SIDT2: variants seen among roughly 807,000 people sequenced by gnomAD.
The protein encoded by SIDT2 is SID1 transmembrane family, member 2.
SIDT2 carries 68 observed loss-of-function variants against 114.4 expected under a neutral mutation model. That is an observed-to-expected ratio of 0.59 (90% CI 0.49 to 0.73). SIDT2 has a LOEUF of 0.73. SIDT2 is among the 30% of genes least tolerant of loss of function. SIDT2 has a pLI of 0.00. For missense variants in SIDT2, 918 were observed against 1,097.1 expected, an observed-to-expected ratio of 0.84 and a Z score of 2.31; for synonymous variants, 470 against 438.4, an observed-to-expected ratio of 1.07 and a Z score of -0.90.
rs757724213 is a variant in SIDT2 at position 117,190,030 on chromosome 11, G to C, written c.1493+5G>C. 3.1e-6 allele frequency: 5 copies of C among 1,614,122 alleles called. No individual in the cohort carries two copies. The highest frequency in any genetic ancestry group is 3.4e-6 in the Non-Finnish European group (4 of 1,180,018). On this transcript the variant is annotated splice_donor_5th_base_variant and intron_variant, in intron 16 of 25. Transcript: ENST00000324225. This position sits in a 1 kb window ranked among gnomAD's most constrained non-coding sequence, Gnocchi z 4.1. ...CCACCCACTGGGCAATCTCAGGTGGGGGTCATGCTGGGAGGCCCCTTGTCC... is the reference window on the plus strand; with the variant it reads ...CCACCCACTGGGCAATCTCAGGTGGCGGTCATGCTGGGAGGCCCCTTGTCC...
chr11:117,195,826 C>G lies in SIDT2; in HGVS notation c.2347C>G (p.His783Asp). 1 of 1,614,208 alleles carries G rather than the reference C, an allele frequency of 6.2e-7. No homozygotes were observed. The highest frequency in any genetic ancestry group is 8.5e-7 in the Non-Finnish European group (1 of 1,180,038). The stretch of plus-strand genomic sequence containing the variant: ...GAAAACCCCTGCAGAGTCGAGGGAG[C>G]ACAACCGGGACTGCATCCTCCTCGA... ...WQKTPAESRE[H>D]NRDCILLDFF... The change falls in exon 25 of 26, where the codon CAC becomes GAC. Residue 783 changes from histidine (H) to aspartate (D), a missense_variant. Coordinates refer to ENST00000324225, the MANE Select transcript of SIDT2 (RefSeq NM_001040455.2).
In SIDT2 at chr11:117,187,311, G is replaced by T. The variant is rs556519701; in HGVS notation, c.1016-67G>T. 8 of 1,478,336 alleles carry T rather than the reference G, an allele frequency of 5.4e-6. No homozygotes were observed. In the East Asian group the frequency reaches 1.4e-4, roughly 25 times the overall value. 91.6% of individuals were successfully genotyped at this position (1,478,336 alleles called of 1,614,324 possible). ...GGCTGTCTTCTCTGGACCTTTCTTT[G>T]TTCTTCTCCCTGGCTCTAGGCCTCT... On this transcript the variant is annotated intron_variant, in intron 10 of 25. Transcript: ENST00000324225.
Position 117,190,420 on chromosome 11 carries a change from C to G in SIDT2, c.1617+131C>G. The G allele has an allele frequency of 7.0e-7, 1 of 1,421,940 alleles. No homozygotes were observed. The highest frequency in any genetic ancestry group is 9.3e-7 in the Non-Finnish European group (1 of 1,073,842). 88.1% of individuals were successfully genotyped at this position (1,421,940 alleles called of 1,614,324 possible). On this transcript the variant is annotated intron_variant, in intron 17 of 25. Transcript: ENST00000324225. This position sits in a 1 kb window ranked among gnomAD's most constrained non-coding sequence, Gnocchi z 4.1. ...TCTCCCCTCCCCAGTTCTGTCTGGC[C>G]CACCCTATCCAGCCCAGCCTGCCCC...
At position 117,190,027 on chromosome 11, in the gene SIDT2, T is replaced by C; in HGVS notation, c.1493+2T>C. On this transcript the variant is annotated splice_donor_variant, in intron 16 of 25. Coordinates refer to ENST00000324225, the MANE Select transcript of SIDT2 (RefSeq NM_001040455.2). LOFTEE classifies it high-confidence loss of function. The surrounding 1 kb of genome is among the most constrained non-coding windows in gnomAD (Gnocchi z 4.1). ...CGCCCACCCACTGGGCAATCTCAGG[T>C]GGGGGTCATGCTGGGAGGCCCCTTG... The C allele has an allele frequency of 1.9e-6, 3 of 1,613,998 alleles. No individual in the cohort carries two copies. Among genetic ancestry groups the C allele is most frequent in the Non-Finnish European group, 2.5e-6 (3 of 1,179,972 alleles).
chr11:117,191,964 A>T lies in SIDT2; in HGVS notation c.1822A>T (p.Ser608Cys). The stretch of plus-strand genomic sequence containing the variant: ...CCCGGACATCAACGCCAGCGCCTAC[A>T]GTGCCTACGCCTGCCTGGCCATTGT... ...RHPDINASAY[S>C]AYACLAIVIF... Residue 608 changes from serine (S) to cysteine (C), a missense_variant, in exon 19 of 26, where the codon AGT (serine) becomes TGT (cysteine). Physicochemically the swap from Ser to Cys is moderately radical, Grantham distance 112. Coordinates refer to ENST00000324225, the MANE Select transcript of SIDT2 (RefSeq NM_001040455.2). 1 of 1,614,182 alleles carries T rather than the reference A, an allele frequency of 6.2e-7. No homozygotes were observed. The highest frequency in any genetic ancestry group is 8.5e-7 in the Non-Finnish European group (1 of 1,180,032).
chr11:117,183,709 C>A, intron 6 of SIDT2, 70 bp from the exon 7 acceptor site: 1 of 1,118,416 alleles, frequency 8.9e-7, no homozygotes, highest in Non-Finnish European at 1.4e-6. Flanking sequence ...TGTCTGGCCC[C>A]AGAACAAGTA....
intron 2 of SIDT2, 38 bp downstream of exon 2, chr11:117,181,575 T>C: frequency 6.2e-7 from 1 of 1,612,748 alleles, no homozygotes; most frequent in Non-Finnish European, 8.5e-7. Flanking sequence ...CGGGGCAGCC[T>C]AGGCCAGTCC....
At chr11:117,195,089 A>T (rs1217945631) in intron 24 of SIDT2, among the ~76,000 whole-genome samples, 1 of 106,930 alleles carries the variant, frequency 9.4e-6, no homozygotes, top group Non-Finnish European at 1.8e-5. Context: ...CTGTCTCAAA[A>T]AAAAAAAAAA....
At chr11:117,186,844 T>C (rs2030515532) in intron 10 of SIDT2, 12 of 1,042,056 alleles carry the variant, frequency 1.2e-5, no homozygotes, top group Non-Finnish European at 1.3e-5. Context: ...AGGTGTTGCT[T>C]GGTTTATTCC....
intron 6 of SIDT2, 39 bp from the exon 7 acceptor site, chr11:117,183,740 A>G (rs1233233640): frequency 7.7e-7 from 1 of 1,297,332 alleles, no homozygotes; most frequent in East Asian, 2.3e-5. Flanking sequence ...AATGATGATG[A>G]TGATGATGAA....
Position 117,190,747 on chromosome 11 carries a change from G to GGGGC in SIDT2, c.1735+9_1735+12dup. Reference sequence around the variant, plus strand: ...TATACCAATTTCCAGTTTGGTGAGTGGGGCGTCCTTCTTTTCTGGCTCAAC... The same window carrying GGGGC: ...TATACCAATTTCCAGTTTGGTGAGTGGGGCGGGCGTCCTTCTTTTCTGGCTCAAC... On this transcript the variant is annotated splice_region_variant and intron_variant, in intron 18 of 25. Transcript: ENST00000324225. This position sits in a 1 kb window ranked among gnomAD's most constrained non-coding sequence, Gnocchi z 4.1. 1 of 1,607,364 alleles carries GGGGC rather than the reference G, an allele frequency of 6.2e-7. No homozygotes were observed. Among genetic ancestry groups the GGGGC allele is most frequent in the Non-Finnish European group, 8.5e-7 (1 of 1,173,896 alleles).
intron 22 of SIDT2, 53 bp from the exon 23 acceptor site, chr11:117,193,100 C>G: frequency 6.4e-7 from 1 of 1,554,540 alleles, no homozygotes; most frequent in Non-Finnish European, 8.9e-7. Flanking sequence ...GCAGGAAGAG[C>G]ACTTCCTTGC....
At position 117,191,859 on chromosome 11, in the gene SIDT2, T is replaced by C. The variant is rs1368171615; in HGVS notation, c.1736-19T>C. 2 of 1,612,454 alleles carry C rather than the reference T, an allele frequency of 1.2e-6. No homozygotes were observed. The highest frequency in any genetic ancestry group is 1.7e-6 in the Non-Finnish European group (2 of 1,178,834). On this transcript the variant is annotated intron_variant, in intron 18 of 25. Coordinates refer to ENST00000324225, the MANE Select transcript of SIDT2 (RefSeq NM_001040455.2). ...TTGGTGGCCATTTCTGCAGCTCCCTTCCGTGTCCCTCATCCTAGACACATC... is the reference window on the plus strand; with the variant it reads ...TTGGTGGCCATTTCTGCAGCTCCCTCCCGTGTCCCTCATCCTAGACACATC...
At chr11:117,195,434 A>G (rs1000759991) in intron 24 of SIDT2, among the ~76,000 whole-genome samples, 2 of 152,196 alleles carry the variant, frequency 1.3e-5, no homozygotes, top group South Asian at 4.1e-4. Context: ...CTGCAGAAAG[A>G]TTAGAGCAAG....
chr11:117,181,791 C>T lies in SIDT2; in HGVS notation c.306-16C>T. 3 of 1,614,092 alleles carry T rather than the reference C, an allele frequency of 1.9e-6. No homozygotes were observed. The highest frequency in any genetic ancestry group is 2.5e-6 in the Non-Finnish European group (3 of 1,179,986). On this transcript the variant is annotated splice_polypyrimidine_tract_variant and intron_variant, in intron 2 of 25. Transcript: ENST00000324225. ...GGGACAGTGCTCACATCCTATCTCC[C>T]TGCTTCGGGCCATAGGTTTCAGCGC...
chr11:117,188,994 G>A lies in SIDT2; in HGVS notation c.1278+168G>A, dbSNP rs573610861. On this transcript the variant is annotated intron_variant, in intron 13 of 25. Transcript: ENST00000324225. This position sits in a 1 kb window ranked among gnomAD's most constrained non-coding sequence, Gnocchi z 4.0. ...ACTAACCTGACCTCCAACCCCTTCC[G>A]GCCTGATTGGCCAAACCCTCTTGGT... 9.1e-5 allele frequency: 86 copies of A among 945,008 alleles called. No homozygotes were observed. The Middle Eastern group carries it at 1.4e-3, about 15-fold the overall frequency. The allele number at this position is 945,008 out of a possible 1,614,324, so 58.5% of individuals were successfully genotyped here.
rs2030878051 is a variant in SIDT2, at chr11:117,195,868, G to A, written c.2389G>A (p.Asp797Asn). ...CCTCCTCGACTTCTTTGACGACCACGACATCTGGCACTTCCTCTCCTCCAT... is the reference window on the plus strand; with the variant it reads ...CCTCCTCGACTTCTTTGACGACCACAACATCTGGCACTTCCTCTCCTCCAT... ...CILLDFFDDH[D>N]IWHFLSSIAM... The change falls in exon 25 of 26, where the codon GAC becomes AAC. Residue 797 changes from aspartate (D) to asparagine (N), a missense_variant. Coordinates refer to ENST00000324225, the MANE Select transcript of SIDT2 (RefSeq NM_001040455.2). 2.5e-6 allele frequency: 4 copies of A among 1,614,212 alleles called. No individual in the cohort carries two copies. Among genetic ancestry groups the A allele is most frequent in the African/African-American group, 1.3e-5 (1 of 75,060 alleles).
intron 10 of SIDT2, 94 bp downstream of exon 10, chr11:117,186,730 G>C: frequency 8.1e-7 from 1 of 1,238,206 alleles, no homozygotes; most frequent in Non-Finnish European, 1.1e-6. Context: ...GAGGAGGAAG[G>C]GCTGGGGGTT....
rs2030733705 is a variant in SIDT2, at chr11:117,192,339, A to G, written c.1958A>G (p.Tyr653Cys). Residue 653 changes from tyrosine to cysteine, a missense_variant, in exon 20 of 26, where the codon TAT becomes TGT. Tyr to Cys is a radical substitution (Grantham distance 194, BLOSUM62 -2). This residue lies in a region of SIDT2 where 275 missense variants were observed against 397.6 expected (regional missense o/e 0.69). Coordinates refer to ENST00000324225, the MANE Select transcript of SIDT2 (RefSeq NM_001040455.2). The surrounding 1 kb of genome is among the most constrained non-coding windows in gnomAD (Gnocchi z 5.9). ...ACCCTGCTCCTCAGCACGCAGCTCT[A>G]TTACATGGGCCGGTGGAAACTGGGT... The part of the protein sequence containing the change: ...IATLLLSTQL[Y>C]YMGRWKLDSG... 6.2e-7 allele frequency: 1 copy of G among 1,606,536 alleles called. No individual in the cohort carries two copies. Among genetic ancestry groups the G allele is most frequent in the Non-Finnish European group, 8.5e-7 (1 of 1,173,468 alleles).
Sources: gnomAD v4.1 joint callset for allele counts (sites outside exome capture counted in the v4.1 genomes callset) on GRCh38, gnomAD v4.1.1 for gene constraint, gnomAD v4.1.1 regional missense constraint, Gnocchi (gnomAD v3.1) non-coding constraint, MANE v1.5 for transcripts, NCBI Gene and HGNC (gene_info 2026-07-23, HGNC 2026-07-21) for gene names.